NXNL1: variants seen among roughly 807,000 people sequenced by gnomAD.
NXNL1 encodes nucleoredoxin like 1, also known as nucleoredoxin-like protein 1.
A neutral mutation model predicts 7.2 loss-of-function variants in NXNL1; 6 were observed. That is an observed-to-expected ratio of 0.83 (90% CI 0.46 to 1.64). NXNL1 has a LOEUF of 1.64. NXNL1 is among the 40% of genes most tolerant of loss of function. NXNL1 has a pLI of 0.01. For synonymous variants in NXNL1, 133 were observed against 127.2 expected (o/e 1.05, Z -0.31); for missense variants, 308 against 285.1 (o/e 1.08, Z -0.58).
Position 17,455,511 on chromosome 19 carries a change from GGT to G in NXNL1, c.*134_*135del, listed in dbSNP as rs2074988624. 6.5e-6 allele frequency: 4 copies of G among 618,124 alleles called. No individual in the cohort carries two copies. The Admixed American group carries it at 1.2e-4, about 18-fold the overall frequency. 38.3% of individuals were successfully genotyped at this position (618,124 alleles called of 1,614,324 possible). On this transcript the variant is annotated 3_prime_UTR_variant, in exon 2 of 2. Transcript: ENST00000301944. Reference sequence around the variant, plus strand: ...AGTCAGGGTCTCACTCTCTTGCCCAGGTTGATCTCGAACCTCTGGGCTCAAGC... The same window carrying G: ...AGTCAGGGTCTCACTCTCTTGCCCAGTGATCTCGAACCTCTGGGCTCAAGC...
Position 17,459,569 on chromosome 19 carries a change from C to T in NXNL1, c.326+975G>A, listed in dbSNP as rs143986060. ...AGTAGCTGGGACCACAGCTGTGCGC[C>T]ACCAGGCCTGGCTAATTTTTGTATT... On this transcript the variant is annotated intron_variant, in intron 1 of 1. Coordinates refer to ENST00000301944, the MANE Select transcript of NXNL1 (RefSeq NM_138454.2). Among the ~76,000 whole-genome samples the T allele has an allele frequency of 4.2e-3, 636 of 152,122 alleles. 1 individual carries two copies. The highest frequency in any genetic ancestry group is 0.015 in the African/African-American group (603 of 41,510).
At chr19:17,457,819 C>G (rs1321815090) in intron 1 of NXNL1, among the ~76,000 whole-genome samples, 4 of 152,214 alleles carry the variant, frequency 2.6e-5, no homozygotes, top group Non-Finnish European at 4.4e-5. Flanking sequence ...GTCTCTGCCC[C>G]AGGGAAGGAA....
At chr19:17,458,189 AT>A (rs957696428) in intron 1 of NXNL1, among the ~76,000 whole-genome samples, 15 of 137,372 alleles carry the variant, frequency 1.1e-4, no homozygotes, top group East Asian at 2.1e-4. Flanking sequence ...ATGTTTGAAC[AT>A]TTTTTTTCTT....
At position 17,460,852 on chromosome 19, in the gene NXNL1, A is replaced by G. The variant is rs774177161; in HGVS notation, c.18T>C (p.Ser6=). 6.8e-6 allele frequency: 11 copies of G among 1,613,488 alleles called. No individual in the cohort carries two copies. The highest frequency in any genetic ancestry group is 9.3e-6 in the Non-Finnish European group (11 of 1,180,022). The change falls in exon 1 of 2, where the codon TCT becomes TCC. Residue 6 remains serine (S), a synonymous_variant. Transcript: ENST00000301944. MASLF[S]GRILIRNNSD... is the part of the protein sequence containing the mutation. Reference sequence around the variant, plus strand: ...TATTGTTGCGGATCAGGATGCGGCCAGAGAACAGGGAGGCCATGGTAACCT... The same window carrying G: ...TATTGTTGCGGATCAGGATGCGGCCGGAGAACAGGGAGGCCATGGTAACCT...
intron 1 of NXNL1, among the ~76,000 whole-genome samples, chr19:17,459,440 C>CA (rs2075005018): frequency 6.6e-6 from 1 of 151,566 alleles, no homozygotes; most frequent in South Asian, 2.1e-4. Flanking sequence ...ATTTTTGAGA[C>CA]AGAGTCTCAC....
chr19:17,455,670 C>A lies in NXNL1; in HGVS notation c.616G>T (p.Gly206Cys). The change falls in exon 2 of 2, where the codon GGC (glycine) becomes TGC (cysteine). Residue 206 changes from glycine to cysteine, a missense_variant. Physicochemically the swap from Gly to Cys is radical, Grantham distance 159 (BLOSUM62 -3). Coordinates refer to ENST00000301944, the MANE Select transcript of NXNL1 (RefSeq NM_138454.2). ...RDPGGGGGEEGGAGGLF is the reference protein window; with the variant it reads ...RDPGGGGGEECGAGGLF ...GGTCAGAACAGCCCCCCGGCCCCGC[C>A]CTCCTCCCCACCCCCTCCCCCGGGG... is the stretch of plus-strand genomic sequence containing the variant. The A allele has an allele frequency of 2.2e-6, 2 of 923,076 alleles. No homozygotes were observed. The highest frequency in any genetic ancestry group is 2.9e-5 in the South Asian group (2 of 70,120). The allele number at this position is 923,076 out of a possible 1,614,324, so 57.2% of individuals were successfully genotyped here.
chr19:17,455,668 G>GGGGGCC lies in NXNL1; in HGVS notation c.617_618insGGCCCC (p.Gly206_Gly207insAlaPro). ...CGGGTCAGAACAGCCCCCCGGCCCC[G>GGGGGCC]CCCTCCTCCCCACCCCCTCCCCCGG... On this transcript the variant is annotated inframe_insertion, in exon 2 of 2. Coordinates refer to ENST00000301944, the MANE Select transcript of NXNL1 (RefSeq NM_138454.2). The GGGGGCC allele has an allele frequency of 5.8e-5, 19 of 330,186 alleles. No homozygotes were observed. The highest frequency in any genetic ancestry group is 7.7e-5 in the East Asian group (1 of 12,956). 20.5% of individuals were successfully genotyped at this position (330,186 alleles called of 1,614,324 possible). A position where few individuals can be genotyped will look rare whatever the true frequency, so the allele number is the denominator to read the frequency against.
At chr19:17,456,348 G>A (rs1290483191) in intron 1 of NXNL1, among the ~76,000 whole-genome samples, 5 of 89,062 alleles carry the variant, frequency 5.6e-5, no homozygotes, top group Admixed American at 5.0e-4. Context: ...ATAAAGCAGG[G>A]TGTGGTGGTG....
intron 1 of NXNL1, among the ~76,000 whole-genome samples, chr19:17,459,925 G>A (rs1476856270): frequency 2.0e-5 from 3 of 152,076 alleles, no homozygotes; most frequent in Non-Finnish European, 4.4e-5. Context: ...CTCTGACCCC[G>A]GAACCTCACC....
Position 17,455,584 on chromosome 19 carries a change from CGGGGGTGGGGT to C in NXNL1, c.*52_*62del. ...CCCAAGTGCTGGGATTACAGGCGTG[CGGGGGTGGGGT>C]GGGGGTGGAGGTTCATCAACAAACC... On this transcript the variant is annotated 3_prime_UTR_variant, in exon 2 of 2. Coordinates refer to ENST00000301944, the MANE Select transcript of NXNL1 (RefSeq NM_138454.2). 9.9e-7 allele frequency: 1 copy of C among 1,010,716 alleles called. No homozygotes were observed. The highest frequency in any genetic ancestry group is 1.6e-5 in the African/African-American group (1 of 62,212). The allele number at this position is 1,010,716 out of a possible 1,614,324, so 62.6% of individuals were successfully genotyped here.
chr19:17,457,671 C>A (rs1448995948), intron 1 of NXNL1, among the ~76,000 whole-genome samples: 1 of 152,198 alleles, frequency 6.6e-6, no homozygotes, highest in African/African-American at 2.4e-5. Flanking sequence ...CTGCACCCAG[C>A]CTGAAATTTC....
intron 1 of NXNL1, among the ~76,000 whole-genome samples, chr19:17,459,903 C>T (rs919351668): frequency 1.3e-5 from 2 of 152,056 alleles, no homozygotes; most frequent in Non-Finnish European, 2.9e-5. Context: ...GCCACTTTTT[C>T]GGGGAAGCAT....
chr19:17,456,056 T>A (rs368609069), intron 1 of NXNL1, 97 bp from the exon 2 acceptor site: 1 of 1,543,048 alleles, frequency 6.5e-7, no homozygotes. Context: ...CAGCGCCTTC[T>A]GTGTGCACTG....
At chr19:17,456,142 C>T (rs1183317033) in intron 1 of NXNL1, among the ~76,000 whole-genome samples, 183 bp from the exon 2 acceptor site, 1 of 152,026 alleles carries the variant, frequency 6.6e-6, no homozygotes, top group Admixed American at 6.6e-5. Context: ...CGCTTTGTCT[C>T]CAGCACCCCA....
intron 1 of NXNL1, among the ~76,000 whole-genome samples, chr19:17,458,910 CATA>C (rs2144517316): frequency 6.6e-6 from 1 of 152,100 alleles, no homozygotes; most frequent in East Asian, 1.9e-4. Context: ...AGCCACCTTT[CATA>C]ATTTTTCTTT....
In NXNL1 at chr19:17,455,668, G is replaced by GGGGCCCC; in HGVS notation, c.617_618insGGGGCCC (p.Ala208ProfsTer11). ...CGGGTCAGAACAGCCCCCCGGCCCC[G>GGGGCCCC]CCCTCCTCCCCACCCCCTCCCCCGG... On this transcript the variant is annotated frameshift_variant, in exon 2 of 2. Transcript: ENST00000301944. LOFTEE classifies it high-confidence loss of function. 3.0e-6 allele frequency: 1 copy of GGGGCCCC among 330,286 alleles called. No homozygotes were observed. The highest frequency in any genetic ancestry group is 6.1e-5 in the Admixed American group (1 of 16,374). The allele number at this position is 330,286 out of a possible 1,614,324, so 20.5% of individuals were successfully genotyped here. A position where few individuals can be genotyped will look rare whatever the true frequency, so the allele number is the denominator to read the frequency against.
chr19:17,460,828 A>T lies in NXNL1; in HGVS notation c.42T>A (p.Asn14Lys). The change falls in exon 1 of 2, where the codon AAT (asparagine) becomes AAA (lysine). Residue 14 changes from asparagine to lysine, a missense_variant. Coordinates refer to ENST00000301944, the MANE Select transcript of NXNL1 (RefSeq NM_138454.2). ...CCGTATCCAGCTCGTCCTGGTCGCT[A>T]TTGTTGCGGATCAGGATGCGGCCAG... is the stretch of plus-strand genomic sequence containing the variant. ...LFSGRILIRN[N>K]SDQDELDTEA... The T allele has an allele frequency of 6.8e-6, 11 of 1,613,738 alleles. No individual in the cohort carries two copies. The highest frequency in any genetic ancestry group is 9.3e-6 in the Non-Finnish European group (11 of 1,180,020).
At chr19:17,457,218 C>T (rs1015176072) in intron 1 of NXNL1, among the ~76,000 whole-genome samples, 3 of 151,814 alleles carry the variant, frequency 2.0e-5, no homozygotes, top group South Asian at 2.1e-4. Flanking sequence ...AGCAACATAA[C>T]GAGACCCCAT....
intron 1 of NXNL1, among the ~76,000 whole-genome samples, chr19:17,458,596 A>ATTTTTTTTTTTTT (rs34265338): frequency 5.7e-5 from 5 of 87,850 alleles, no homozygotes; most frequent in Non-Finnish European, 8.3e-5. Flanking sequence ...GATCTTTTTA[A>ATTTTTTTTTTTTT]TTTTTTTTTT....
Sources: allele counts gnomAD v4.1 joint callset (sites outside exome capture counted in the v4.1 genomes callset), GRCh38; gene constraint gnomAD v4.1.1; transcripts MANE v1.5; gene names NCBI Gene and HGNC (gene_info 2026-07-23, HGNC 2026-07-21).